POU2F3: variants seen among roughly 807,000 people sequenced by gnomAD.
POU2F3 encodes the protein POU domain, class 2, transcription factor 3.
A neutral mutation model predicts 59.2 loss-of-function variants in POU2F3; 23 were observed. The ratio of observed to expected loss-of-function variants is 0.39; its 90% confidence interval spans 0.28 to 0.55. The LOEUF (loss-of-function observed/expected upper bound fraction) is 0.55, where lower values mean the gene tolerates loss of function less well. POU2F3 is among the 20% of genes least tolerant of loss of function. The pLI is 0.66. For missense variants in POU2F3, 473 were observed against 544.5 expected (o/e 0.87, Z 1.31); for synonymous variants, 190 against 214.6 (o/e 0.89, Z 1.00).
At chr11:120,275,977 T>C (rs1940301658) in intron 3 of POU2F3, among the ~76,000 whole-genome samples, 1 of 152,240 alleles carries the variant, frequency 6.6e-6, no homozygotes, top group African/African-American at 2.4e-5. Context: ...TTGGGGCATC[T>C]TCTTTAAAAT....
At chr11:120,308,028 C>T (rs995102684) in intron 9 of POU2F3, among the ~76,000 whole-genome samples, 3 of 152,134 alleles carry the variant, frequency 2.0e-5, no homozygotes, top group African/African-American at 7.2e-5. Context: ...GTAATAAATG[C>T]TTATTGTAAA....
rs1485185718 is a variant in POU2F3 at position 120,298,450 on chromosome 11, T to G, written c.258+60T>G. 13 of 1,597,616 alleles carry G rather than the reference T, an allele frequency of 8.1e-6. No homozygotes were observed. In the African/African-American group the frequency reaches 1.5e-4, roughly 18 times the overall value. ...TTAACCCAATCCCTCTGTGAAATGC[T>G]CGACTTCCATGCTTGGTACTCGTCT... On this transcript the variant is annotated intron_variant, in intron 4 of 12. Coordinates refer to ENST00000543440, the MANE Select transcript of POU2F3 (RefSeq NM_014352.4).
At chr11:120,260,709 C>G (rs1050314936) in intron 2 of POU2F3, among the ~76,000 whole-genome samples, 26 of 152,162 alleles carry the variant, frequency 1.7e-4, no homozygotes, top group Admixed American at 1.3e-3. Flanking sequence ...TGTGTGGGAG[C>G]AGGGATATGC....
chr11:120,297,016 T>G (rs1392942042), intron 3 of POU2F3, among the ~76,000 whole-genome samples: 1 of 152,230 alleles, frequency 6.6e-6, no homozygotes, highest in East Asian at 1.9e-4. Context: ...TCCCAGGATG[T>G]CAGTGATATT....
intron 1 of POU2F3, among the ~76,000 whole-genome samples, chr11:120,240,917 G>A (rs1273417654): frequency 6.6e-6 from 1 of 152,146 alleles, no homozygotes. Flanking sequence ...AGAAGGGATG[G>A]TGACAGACAC....
At chr11:120,246,893 G>A (rs983102203) in intron 2 of POU2F3, among the ~76,000 whole-genome samples, 1 of 152,188 alleles carries the variant, frequency 6.6e-6, no homozygotes. Flanking sequence ...CCTACTCAAG[G>A]CACTAACCAA....
intron 3 of POU2F3, among the ~76,000 whole-genome samples, chr11:120,275,010 A>G: frequency 6.6e-6 from 1 of 152,208 alleles, no homozygotes; most frequent in East Asian, 1.9e-4. Context: ...GCAGGCAAGG[A>G]TAGCCTCTGC....
chr11:120,306,533 A>G (rs563611571), intron 8 of POU2F3, among the ~76,000 whole-genome samples: 34 of 152,286 alleles, frequency 2.2e-4, no homozygotes, highest in African/African-American at 7.2e-4. Flanking sequence ...TGCCAGTAGC[A>G]TCCACCCCCA....
intron 3 of POU2F3, among the ~76,000 whole-genome samples, chr11:120,280,967 T>C (rs527934949): frequency 1.4e-4 from 22 of 152,174 alleles, no homozygotes; most frequent in Non-Finnish European, 2.5e-4. Context: ...TGCCTGTGTG[T>C]GCCTGCAGGG....
intron 1 of POU2F3, among the ~76,000 whole-genome samples, chr11:120,242,417 C>G (rs775413168): frequency 2.0e-5 from 3 of 152,150 alleles, no homozygotes; most frequent in African/African-American, 2.4e-5. Context: ...GGGTCCCTCT[C>G]TAGGGTCCCT....
chr11:120,297,417 A>T (rs183620614), intron 3 of POU2F3, among the ~76,000 whole-genome samples: 1 of 152,322 alleles, frequency 6.6e-6, no homozygotes, highest in Non-Finnish European at 1.5e-5. Flanking sequence ...TGTGAGGGAG[A>T]CATGCCTTCA....
chr11:120,259,018 G>A (rs1939481329), intron 2 of POU2F3: 1 of 152,314 alleles, frequency 6.6e-6, no homozygotes, highest in South Asian at 2.1e-4. Context: ...ATTGCAGTGG[G>A]AAGCTGAGGG....
chr11:120,269,334 C>G (rs1939965025), intron 3 of POU2F3, 90 bp downstream of exon 3: 2 of 1,151,496 alleles, frequency 1.7e-6, no homozygotes, highest in African/African-American at 3.1e-5. Context: ...AGATTAAGTA[C>G]AGTTTGGGGG....
In POU2F3 at chr11:120,285,196, TAAGA is replaced by T. The variant is rs769965441; in HGVS notation, c.133-13064_133-13061del. Among the ~76,000 whole-genome samples, 1 of 152,206 alleles carries T rather than the reference TAAGA, an allele frequency of 6.6e-6. No individual in the cohort carries two copies. Among genetic ancestry groups the T allele is most frequent in the African/African-American group, 2.4e-5 (1 of 41,460 alleles). On this transcript the variant is annotated intron_variant, in intron 3 of 12. Coordinates refer to ENST00000543440, the MANE Select transcript of POU2F3 (RefSeq NM_014352.4). The surrounding 1 kb of genome is among the most constrained non-coding windows in gnomAD (Gnocchi z 4.3). Reference sequence around the variant, plus strand: ...TTACTAATCATGAGCCTCAAAAGCCTAAGAAAGAGTGATTCCAGTACGACCTATG... The same window carrying T: ...TTACTAATCATGAGCCTCAAAAGCCTAAGAGTGATTCCAGTACGACCTATG...
At chr11:120,298,234 AC>A (rs761745553) in intron 3 of POU2F3, 30 bp from the exon 4 acceptor site, 1 of 1,598,032 alleles carries the variant, frequency 6.3e-7, no homozygotes, top group African/African-American at 1.3e-5. Flanking sequence ...GGGATCCAGC[AC>A]TGACGCTCTC....
chr11:120,283,947 G>A (rs1940680761), intron 3 of POU2F3, among the ~76,000 whole-genome samples: 1 of 81,130 alleles, frequency 1.2e-5, no homozygotes, highest in Admixed American at 2.0e-4. Flanking sequence ...ATGCATGGAG[G>A]CAAGCGGATC....
intron 3 of POU2F3, among the ~76,000 whole-genome samples, chr11:120,288,836 A>T (rs1940920494): frequency 6.6e-6 from 1 of 151,914 alleles, no homozygotes; most frequent in African/African-American, 2.4e-5. Context: ...ACATATGTAC[A>T]TGTATGTAAT....
At chr11:120,283,919 T>C (rs1231462700) in intron 3 of POU2F3, among the ~76,000 whole-genome samples, 6 of 145,158 alleles carry the variant, frequency 4.1e-5, no homozygotes, top group Non-Finnish European at 8.9e-5. Context: ...GTGCATTCAG[T>C]AAGTGTGTTC....
intron 6 of POU2F3, 80 bp from the exon 7 acceptor site, chr11:120,304,942 TAAAAAAAA>T (rs11443197): frequency 2.9e-4 from 99 of 336,598 alleles, no homozygotes; most frequent in African/African-American, 2.2e-3. Context: ...GGCCTATTAG[TAAAAAAAA>T]AAAAAAAAAA....
Sources: allele counts gnomAD v4.1 joint callset (sites outside exome capture counted in the v4.1 genomes callset), GRCh38; gene constraint gnomAD v4.1.1; non-coding constraint Gnocchi (gnomAD v3.1); transcripts MANE v1.5; gene names NCBI Gene and HGNC (gene_info 2026-07-23, HGNC 2026-07-21).